SAMD7: variants seen among roughly 807,000 people sequenced by gnomAD.
SAMD7 encodes sterile alpha motif domain containing 7.
A neutral mutation model predicts 36.7 loss-of-function variants in SAMD7; 34 were observed. That is an observed-to-expected ratio of 0.93 (90% confidence interval 0.71 to 1.23). The LOEUF (loss-of-function observed/expected upper bound fraction) is 1.23. Among genes scored for constraint, SAMD7 ranks in the 50% most tolerant of loss-of-function variants. SAMD7 has a pLI of 0.00. For synonymous variants in SAMD7, 188 were observed against 189.7 expected (o/e 0.99, Z 0.07); for missense variants, 570 against 546.6 (o/e 1.04, Z -0.43).
rs1357485872 is a variant in SAMD7, at chr3:169,914,543, T to G, written c.-116-824T>G. ...TGGACATTTCTGCAGGCACTTGGAA[T>G]AGCTTGCATTTTAGATTAAAATTTG... On this transcript the variant is annotated intron_variant, in intron 1 of 8. Transcript: ENST00000335556. 2.0e-5 allele frequency among the ~76,000 whole-genome samples: 3 copies of G among 152,210 alleles called. No individual in the cohort carries two copies. In the South Asian group the frequency reaches 6.2e-4, roughly 32 times the overall value.
intron 7 of SAMD7, among the ~76,000 whole-genome samples, chr3:169,933,405 G>T (rs979920730): frequency 2.2e-4 from 34 of 152,210 alleles, no homozygotes; most frequent in Admixed American, 6.5e-5. Context: ...CTAAAGCAAA[G>T]ACCACAAGTT....
At chr3:169,931,226 A>T (rs1429557777) in intron 7 of SAMD7, among the ~76,000 whole-genome samples, 1 of 152,252 alleles carries the variant, frequency 6.6e-6, no homozygotes, top group East Asian at 1.9e-4. Context: ...TCTAAAAAGA[A>T]CTGAAATTAC....
intron 6 of SAMD7, among the ~76,000 whole-genome samples, chr3:169,928,180 A>C (rs1325637252): frequency 6.6e-6 from 1 of 152,228 alleles, no homozygotes; most frequent in Non-Finnish European, 1.5e-5. Flanking sequence ...AATCTGGAGA[A>C]TAGAATCCAT....
intron 4 of SAMD7, among the ~76,000 whole-genome samples, chr3:169,922,682 T>C (rs1166034600): frequency 1.3e-5 from 2 of 152,154 alleles, no homozygotes; most frequent in Non-Finnish European, 2.9e-5. Flanking sequence ...GTATTATTAG[T>C]AGAGACAGAG....
intron 7 of SAMD7, among the ~76,000 whole-genome samples, chr3:169,931,379 C>T (rs772671741): frequency 1.3e-5 from 2 of 152,116 alleles, no homozygotes; most frequent in Non-Finnish European, 1.5e-5. Flanking sequence ...GGGTTAGATC[C>T]TCACACATTT....
chr3:169,933,960 G>T (rs996485056), intron 7 of SAMD7, among the ~76,000 whole-genome samples: 1 of 152,232 alleles, frequency 6.6e-6, no homozygotes, highest in Non-Finnish European at 1.5e-5. Flanking sequence ...GCAGGAGGGA[G>T]ATAAAGGAGG....
At chr3:169,915,690 T>C (rs1266169447) in intron 2 of SAMD7, among the ~76,000 whole-genome samples, 1 of 148,408 alleles carries the variant, frequency 6.7e-6, no homozygotes, top group African/African-American at 2.5e-5. Flanking sequence ...GTTCAAGCAA[T>C]TCTCCTGCCC....
chr3:169,929,343 A>C (rs1713399544), intron 7 of SAMD7, among the ~76,000 whole-genome samples: 1 of 152,082 alleles, frequency 6.6e-6, no homozygotes, highest in Non-Finnish European at 1.5e-5. Context: ...TTTGCATGTT[A>C]AAGGAAAAGA....
intron 2 of SAMD7, among the ~76,000 whole-genome samples, chr3:169,916,008 A>G (rs1712782692): frequency 6.6e-6 from 1 of 152,060 alleles, no homozygotes; most frequent in Non-Finnish European, 1.5e-5. Flanking sequence ...TAATCAAGGT[A>G]ACAGACATAG....
rs558104170 is a variant in SAMD7 at position 169,932,125 on chromosome 3, G to T, written c.1041+3547G>T. The T allele has an allele frequency of 5.4e-6, 3 of 551,738 alleles. No individual in the cohort carries two copies. The East Asian group carries it at 1.2e-4, about 22-fold the overall frequency. 34.2% of individuals were successfully genotyped at this position (551,738 alleles called of 1,614,324 possible). A position where few individuals can be genotyped will look rare whatever the true frequency, so the allele number is the denominator to read the frequency against. On this transcript the variant is annotated intron_variant, in intron 7 of 8. Coordinates refer to ENST00000335556, the MANE Select transcript of SAMD7 (RefSeq NM_001304366.2). The stretch of plus-strand genomic sequence containing the variant: ...CGTTTCACTACTTGATCCCCTGAGG[G>T]CTTTTCACCGAATGATGACTGGCTT...
rs1317144774 is a variant in SAMD7, at chr3:169,921,674, C to T, written c.211+336C>T. 2.0e-5 allele frequency among the ~76,000 whole-genome samples: 3 copies of T among 152,134 alleles called. No individual in the cohort carries two copies. The South Asian group carries it at 6.3e-4, about 32-fold the overall frequency. ...GGGCTTAAGGCAGTTTACATGGGCC[C>T]GATGGTCATAGTGAGAATTTGGCTT... On this transcript the variant is annotated intron_variant, in intron 4 of 8. Transcript: ENST00000335556.
At chr3:169,917,137 G>C (rs1032743749) in intron 2 of SAMD7, among the ~76,000 whole-genome samples, 2 of 152,346 alleles carry the variant, frequency 1.3e-5, no homozygotes, top group East Asian at 1.9e-4. Flanking sequence ...GGTGATGTTA[G>C]GTGATCCATG....
chr3:169,928,846 A>T (rs1448283547), intron 7 of SAMD7, among the ~76,000 whole-genome samples: 2 of 152,198 alleles, frequency 1.3e-5, no homozygotes, highest in Non-Finnish European at 2.9e-5. Context: ...GAATTCTCCC[A>T]AAATTAGAAG....
chr3:169,927,086 G>C lies in SAMD7; in HGVS notation c.824G>C (p.Trp275Ser). 1 of 1,600,980 alleles carries C rather than the reference G, an allele frequency of 6.2e-7. No individual in the cohort carries two copies. ...SHTTTLKAKA[W>S]DDGKEEASEQ... ...ACCACTACCCTGAAAGCAAAGGCCTGGGACGATGGGAAAGAGGAGGCTTCG... is the reference window on the plus strand; with the variant it reads ...ACCACTACCCTGAAAGCAAAGGCCTCGGACGATGGGAAAGAGGAGGCTTCG... Residue 275 changes from tryptophan to serine, a missense_variant, in exon 6 of 9, where the codon TGG becomes TCG. By Grantham distance (177) the Trp-to-Ser change is radical. Transcript: ENST00000335556.
rs59547352 is a variant in SAMD7, at chr3:169,915,647, C to T, written c.-42+206C>T. 8.7e-3 allele frequency among the ~76,000 whole-genome samples: 1,116 copies of T among 128,744 alleles called. 12 individuals are homozygous for T. The highest frequency in any genetic ancestry group is 0.031 in the African/African-American group (1,033 of 33,354). The allele number at this position is 128,744 out of a possible 152,430, so 84.5% of individuals were successfully genotyped here. On this transcript the variant is annotated intron_variant, in intron 2 of 8. Coordinates refer to ENST00000335556, the MANE Select transcript of SAMD7 (RefSeq NM_001304366.2). ...TTGCCCAGGCTGGAGTGCAGCGGTGCGATCTTGGCTCACTGCAACCTCTGC... is the reference window on the plus strand; with the variant it reads ...TTGCCCAGGCTGGAGTGCAGCGGTGTGATCTTGGCTCACTGCAACCTCTGC...
intron 2 of SAMD7, among the ~76,000 whole-genome samples, chr3:169,917,613 TTTTA>T (rs1485957587): frequency 8.4e-6 from 1 of 118,702 alleles, no homozygotes; most frequent in Admixed American, 9.2e-5. Flanking sequence ...TTATTTTTAT[TTTTA>T]TTTGTTTGTT....
intron 4 of SAMD7, among the ~76,000 whole-genome samples, chr3:169,921,834 C>T (rs922716560): frequency 6.6e-6 from 1 of 152,140 alleles, no homozygotes; most frequent in Non-Finnish European, 1.5e-5. Context: ...TGGGAATAAA[C>T]TGATGGGAAT....
rs1411083305 is a variant in SAMD7, at chr3:169,926,807, G to A, written c.545G>A (p.Arg182His). The change falls in exon 6 of 9, where the codon CGT becomes CAT. Residue 182 changes from arginine to histidine, a missense_variant. Transcript: ENST00000335556. Reference protein sequence around the residue: ...HFEESWGQRCRRLRKNTGNQK... With the variant: ...HFEESWGQRCHRLRKNTGNQK... ...GAGGAGAGCTGGGGGCAGAGATGTC[G>A]TCGACTCAGGAAAAATACAGGGAAT... is the stretch of plus-strand genomic sequence containing the variant. The A allele has an allele frequency of 3.7e-6, 6 of 1,613,726 alleles. No individual in the cohort carries two copies. The highest frequency in any genetic ancestry group is 3.4e-6 in the Non-Finnish European group (4 of 1,180,010).
chr3:169,936,325 T>C lies in SAMD7; in HGVS notation c.1042-14T>C. ...GACATTCAGACAGAGTTAACACCTT[T>C]TGTATTTATGAAGGTATTTAAAGAT... On this transcript the variant is annotated splice_polypyrimidine_tract_variant and intron_variant, in intron 7 of 8. Transcript: ENST00000335556. 1 of 1,478,242 alleles carries C rather than the reference T, an allele frequency of 6.8e-7. No homozygotes were observed. Among genetic ancestry groups the C allele is most frequent in the Non-Finnish European group, 9.4e-7 (1 of 1,058,724 alleles). 91.6% of individuals were successfully genotyped at this position (1,478,242 alleles called of 1,614,324 possible).
Sources: gnomAD v4.1 joint callset for allele counts (sites outside exome capture counted in the v4.1 genomes callset) on GRCh38, gnomAD v4.1.1 for gene constraint, MANE v1.5 for transcripts, NCBI Gene and HGNC (gene_info 2026-07-23, HGNC 2026-07-21) for gene names.